The following ZNF626 variants were observed in gnomAD, a reference collection of about 807,000 sequenced individuals.
ZNF626 encodes zinc finger protein 626.
A neutral mutation model predicts 11.7 loss-of-function variants in ZNF626; 4 were observed. The observed-to-expected ratio is 0.34, with a 90% confidence interval of 0.17 to 0.78. ZNF626 has a LOEUF of 0.78. ZNF626 is among the 30% of genes least tolerant of loss of function. The pLI, the probability that ZNF626 is intolerant of heterozygous loss-of-function variation, is 0.57. For missense variants in ZNF626, 588 were observed against 587.1 expected (o/e 1.00, Z -0.01); for synonymous variants, 179 against 198.6 (o/e 0.90, Z 0.83).
At position 20,625,291 on chromosome 19, in the gene ZNF626, T is replaced by C; in HGVS notation, c.586A>G (p.Thr196Ala). Residue 196 changes from threonine (T) to alanine (A), a missense_variant, in exon 4 of 4, where the codon ACT (threonine) becomes GCT (alanine). Thr to Ala is a moderately conservative substitution (Grantham distance 58). Coordinates refer to ENST00000601440, the MANE Select transcript of ZNF626 (RefSeq NM_001076675.3). ...TCACATTTGTAGGGTTTCCCTCCAG[T>C]ATGAATTTTCTTATGTGTAGTAAGA... ...STLTTHKKIH[T>A]GGKPYKCEEC... 1 of 1,614,024 alleles carries C rather than the reference T, an allele frequency of 6.2e-7. No individual in the cohort carries two copies. The highest frequency in any genetic ancestry group is 8.5e-7 in the Non-Finnish European group (1 of 1,180,010).
chr19:20,624,894 A>C lies in ZNF626; in HGVS notation c.983T>G (p.Leu328Arg), dbSNP rs782807911. The C allele has an allele frequency of 1.9e-6, 3 of 1,613,708 alleles. No individual in the cohort carries two copies. In the South Asian group the frequency reaches 3.3e-5, roughly 18 times the overall value. ...CDKAFKYSYT[L>R]TTHKRIHTED... ...AGTATGAATTCTTTTATGTGTAGTA[A>C]GGGTATAGGAGTACTTAAAGGCTTT... is the stretch of plus-strand genomic sequence containing the variant. Residue 328 changes from leucine to arginine, a missense_variant, in exon 4 of 4, where the codon CTT becomes CGT. This residue lies in a region of ZNF626 where 524 missense variants were observed against 470.1 expected (regional missense o/e 1.11). Transcript: ENST00000601440.
chr19:20,658,368 A>G (rs1296323530), intron 1 of ZNF626, among the ~76,000 whole-genome samples: 2 of 152,162 alleles, frequency 1.3e-5, no homozygotes, highest in Non-Finnish European at 2.9e-5. Flanking sequence ...AAACGCTAGG[A>G]TCAAAAATGC....
chr19:20,657,880 T>C (rs1970222000), intron 1 of ZNF626, among the ~76,000 whole-genome samples: 1 of 151,904 alleles, frequency 6.6e-6, no homozygotes, highest in East Asian at 1.9e-4. Context: ...ATGTTATTAT[T>C]TATAAGTAAG....
chr19:20,632,631 A>C (rs1485045920), intron 3 of ZNF626, among the ~76,000 whole-genome samples: 1 of 152,110 alleles, frequency 6.6e-6, no homozygotes, highest in African/African-American at 2.4e-5. Flanking sequence ...CTTGGTTTTC[A>C]GCTCCATCAG....
At chr19:20,645,860 G>A (rs1450928060) in intron 2 of ZNF626, 81 bp from the exon 3 acceptor site, 2 of 984,580 alleles carry the variant, frequency 2.0e-6, no homozygotes, top group East Asian at 5.7e-5. Flanking sequence ...CACAGAGGAT[G>A]TGATAAAATA....
Position 20,652,114 on chromosome 19 carries a change from C to T in ZNF626, c.4-5709G>A, listed in dbSNP as rs148561669. ...AAATGCCTTTTCTTAGTTTTCTGTA[C>T]ATTCTCTATCCAAAGTCCGGTCCTT... is the stretch of plus-strand genomic sequence containing the variant. On this transcript the variant is annotated intron_variant, in intron 1 of 3. Transcript: ENST00000601440. 4.6e-3 allele frequency among the ~76,000 whole-genome samples: 701 copies of T among 152,224 alleles called. 4 individuals carry two copies. The highest frequency in any genetic ancestry group is 7.3e-3 in the Non-Finnish European group (498 of 68,020).
chr19:20,640,280 AAT>A (rs1970010274), intron 3 of ZNF626, among the ~76,000 whole-genome samples: 1 of 148,934 alleles, frequency 6.7e-6, no homozygotes, highest in Non-Finnish European at 1.5e-5. Flanking sequence ...AATTATTAAA[AAT>A]AGTTTAATAA....
chr19:20,630,747 T>C (rs1324615351), intron 3 of ZNF626, among the ~76,000 whole-genome samples: 1 of 48,618 alleles, frequency 2.1e-5, no homozygotes, highest in Non-Finnish European at 3.5e-5. Flanking sequence ...GATTCATTGA[T>C]TTTTTTGAAG....
In ZNF626 at chr19:20,661,460, G is replaced by A. The variant is rs372982991; in HGVS notation, c.-14C>T. 5.6e-6 allele frequency: 9 copies of A among 1,613,670 alleles called. No homozygotes were observed. The African/African-American group carries it at 1.2e-4, about 22-fold the overall frequency. Reference sequence around the variant, plus strand: ...CACTCTCACCATTTTTGGCTTCCAGGAGGTCCCGGTGTCTTAGCTGTGGAT... The same window carrying A: ...CACTCTCACCATTTTTGGCTTCCAGAAGGTCCCGGTGTCTTAGCTGTGGAT... On this transcript the variant is annotated 5_prime_UTR_variant, in exon 1 of 4. Coordinates refer to ENST00000601440, the MANE Select transcript of ZNF626 (RefSeq NM_001076675.3).
intron 3 of ZNF626, among the ~76,000 whole-genome samples, chr19:20,641,905 G>A (rs569988129): frequency 1.4e-5 from 2 of 138,222 alleles, no homozygotes; most frequent in South Asian, 2.3e-4. Flanking sequence ...GTTATGTTAC[G>A]TGTTTTTAAA....
intron 1 of ZNF626, among the ~76,000 whole-genome samples, chr19:20,657,203 C>T (rs1970214026): frequency 6.6e-6 from 1 of 151,730 alleles, no homozygotes; most frequent in Admixed American, 6.6e-5. Flanking sequence ...AATCCTGTCT[C>T]CACAGAAAAT....
In ZNF626 at chr19:20,624,070, T is replaced by C. The variant is rs998559518; in HGVS notation, c.*220A>G. On this transcript the variant is annotated 3_prime_UTR_variant, in exon 4 of 4. Coordinates refer to ENST00000601440, the MANE Select transcript of ZNF626 (RefSeq NM_001076675.3). ...ATGTGCAGTAAGGTGTGAGGATAGG[T>C]GAAAAGCTTTACCACATTATTCACA... The C allele has an allele frequency of 1.2e-5, 10 of 818,592 alleles. No individual in the cohort carries two copies. The highest frequency in any genetic ancestry group is 4.5e-4 in the Middle Eastern group (2 of 4,412). The allele number at this position is 818,592 out of a possible 1,614,324, so 50.7% of individuals were successfully genotyped here.
In ZNF626 at chr19:20,620,436, A is replaced by G. The variant is rs540803677; in HGVS notation, c.*3854T>C. 8.5e-5 allele frequency: 13 copies of G among 152,350 alleles called. No individual in the cohort carries two copies. The highest frequency in any genetic ancestry group is 8.8e-5 in the Non-Finnish European group (6 of 68,034). 9.4% of individuals were successfully genotyped at this position (152,350 alleles called of 1,614,324 possible). A position where few individuals can be genotyped will look rare whatever the true frequency, so the allele number is the denominator to read the frequency against. ...ACACCTAAGGTTTATCTTCAGAGGA[A>G]TATGTGTATATTTCACTCTATGAAA... On this transcript the variant is annotated 3_prime_UTR_variant, in exon 4 of 4. Coordinates refer to ENST00000601440, the MANE Select transcript of ZNF626 (RefSeq NM_001076675.3).
At chr19:20,645,813 C>T in intron 2 of ZNF626, 34 bp from the exon 3 acceptor site, 5 of 1,530,920 alleles carry the variant, frequency 3.3e-6, no homozygotes, top group Non-Finnish European at 4.5e-6. Flanking sequence ...ATAAATCTTG[C>T]TTATGTTCTC....
At chr19:20,637,814 TAAC>T (rs1969982807) in intron 3 of ZNF626, among the ~76,000 whole-genome samples, 1 of 152,008 alleles carries the variant, frequency 6.6e-6, no homozygotes, top group South Asian at 2.1e-4. Flanking sequence ...TAACTGGAAA[TAAC>T]AACTTCATTT....
At position 20,651,837 on chromosome 19, in the gene ZNF626, T is replaced by C. The variant is rs186126733; in HGVS notation, c.4-5432A>G. ...TCTTGTGTAAGAGAAAGAACACAAA[T>C]ACTCTACTCCAGTATCACATTTTAC... On this transcript the variant is annotated intron_variant, in intron 1 of 3. Transcript: ENST00000601440. Among the ~76,000 whole-genome samples, 18 of 152,322 alleles carry C rather than the reference T, an allele frequency of 1.2e-4. No individual in the cohort carries two copies. In the East Asian group the frequency reaches 2.9e-3, roughly 24 times the overall value.
At position 20,622,022 on chromosome 19, in the gene ZNF626, A is replaced by G. The variant is rs1969763655; in HGVS notation, c.*2268T>C. 1 of 152,230 alleles carries G rather than the reference A, an allele frequency of 6.6e-6. No homozygotes were observed. The highest frequency in any genetic ancestry group is 2.1e-4 in the South Asian group (1 of 4,834). The allele number at this position is 152,230 out of a possible 1,614,324, so 9.4% of individuals were successfully genotyped here. ...ACCAATATGGGGAAACCCCATGTCT[A>G]TTAAAAATATAAAAATTAGCCAGGC... On this transcript the variant is annotated 3_prime_UTR_variant, in exon 4 of 4. Coordinates refer to ENST00000601440, the MANE Select transcript of ZNF626 (RefSeq NM_001076675.3).
chr19:20,654,046 T>C (rs1395585432), intron 1 of ZNF626, among the ~76,000 whole-genome samples: 1 of 152,208 alleles, frequency 6.6e-6, no homozygotes, highest in Non-Finnish European at 1.5e-5. Context: ...ACTGTAACAA[T>C]TTGGTTGTAA....
chr19:20,626,364 A>G (rs1329020121), intron 3 of ZNF626, among the ~76,000 whole-genome samples: 1 of 152,240 alleles, frequency 6.6e-6, no homozygotes, highest in Non-Finnish European at 1.5e-5. Flanking sequence ...ATCCCATCAA[A>G]AAGTTATAAA....
Sources: gnomAD v4.1 joint callset for allele counts (sites outside exome capture counted in the v4.1 genomes callset) on GRCh38, gnomAD v4.1.1 for gene constraint, gnomAD v4.1.1 regional missense constraint, MANE v1.5 for transcripts, NCBI Gene and HGNC (gene_info 2026-07-23, HGNC 2026-07-21) for gene names.